BARD1: variants seen among roughly 807,000 people sequenced by gnomAD.
BARD1 encodes BRCA1 associated RING domain 1.
BARD1 carries 73 observed loss-of-function variants against 77.0 expected under a neutral mutation model. The ratio of observed to expected loss-of-function variants is 0.95; its 90% CI spans 0.79 to 1.15. The LOEUF is 1.15. BARD1 is among the 50% of genes most tolerant of loss of function. The pLI is 0.00. For missense variants in BARD1, 993 were observed against 938.8 expected, an observed-to-expected ratio of 1.06 and a Z score of -0.75; for synonymous variants, 384 against 338.0, an observed-to-expected ratio of 1.14 and a Z score of -1.49.
At chr2:214,730,154 T>G in intron 10 of BARD1, 1 of 492,932 alleles carries the variant, frequency 2.0e-6, no homozygotes, top group African/African-American at 1.9e-5. Flanking sequence ...ACTTCCTGTA[T>G]CTGAGATTTA....
chr2:214,757,866 T>A (rs796152109), intron 6 of BARD1, among the ~76,000 whole-genome samples: 2 of 151,522 alleles, frequency 1.3e-5, no homozygotes, highest in African/African-American at 4.8e-5. Context: ...AATAAGAATA[T>A]CCTAGCAGAC....
At chr2:214,730,909 A>AG (rs1692325745) in intron 9 of BARD1, 2 of 457,512 alleles carry the variant, frequency 4.4e-6, no homozygotes, top group Non-Finnish European at 8.8e-6. Flanking sequence ...AGCACTTACC[A>AG]TCTATACTGC....
intron 1 of BARD1, among the ~76,000 whole-genome samples, chr2:214,808,103 C>T (rs6756902): frequency 0.55 from 83,137 of 152,154 alleles, 24,227 homozygotes; most frequent in East Asian, 0.8. Context: ...CAGTTAAGTC[C>T]TTTTCATTTT....
chr2:214,762,840 C>T (rs973840393), intron 6 of BARD1, among the ~76,000 whole-genome samples: 6 of 152,266 alleles, frequency 3.9e-5, no homozygotes, highest in South Asian at 2.1e-4. Context: ...AATCAAACTT[C>T]ATTTGAAAGA....
At chr2:214,750,825 G>A (rs555171298) in intron 7 of BARD1, among the ~76,000 whole-genome samples, 1 of 152,154 alleles carries the variant, frequency 6.6e-6, no homozygotes, top group East Asian at 1.9e-4. Flanking sequence ...ACTTCTTAGT[G>A]AGGACAAATC....
rs968995215 is a variant in BARD1, at chr2:214,728,163, C to A, written c.*513G>T. 3 of 224,760 alleles carry A rather than the reference C, an allele frequency of 1.3e-5. No homozygotes were observed. The highest frequency in any genetic ancestry group is 2.3e-5 in the African/African-American group (1 of 44,308). 13.9% of individuals were successfully genotyped at this position (224,760 alleles called of 1,614,324 possible). ...AAATTATTAAGAAAAGAAATGAACA[C>A]AATATAGGATAAAGACAATTGCAGA... On this transcript the variant is annotated 3_prime_UTR_variant, in exon 11 of 11. Coordinates refer to ENST00000260947, the MANE Select transcript of BARD1 (RefSeq NM_000465.4).
intron 2 of BARD1, among the ~76,000 whole-genome samples, chr2:214,793,883 T>C (rs565729928): frequency 6.6e-6 from 1 of 152,240 alleles, no homozygotes; most frequent in South Asian, 2.1e-4. Flanking sequence ...GATAAACCAA[T>C]GAAATTTCAT....
Position 214,728,736 on chromosome 2 carries a change from A to C in BARD1, c.2274T>G (p.Ala758=). ...ERVRQGKVWK[A]PSSWFIDCVM... is the part of the protein sequence containing the mutation. ...CACAGTCTATAAACCAGCTCGAAGGAGCCTTCCAGACTTTGCCCTGCCGAA... is the reference window on the plus strand; with the variant it reads ...CACAGTCTATAAACCAGCTCGAAGGCGCCTTCCAGACTTTGCCCTGCCGAA... The change falls in exon 11 of 11, where the codon GCT becomes GCG. Residue 758 remains alanine (A), a synonymous_variant. Transcript: ENST00000260947. 1 of 1,614,228 alleles carries C rather than the reference A, an allele frequency of 6.2e-7. No homozygotes were observed. The highest frequency in any genetic ancestry group is 8.5e-7 in the Non-Finnish European group (1 of 1,180,028).
At position 214,752,542 on chromosome 2, in the gene BARD1, G is replaced by T. The variant is rs1693508020; in HGVS notation, c.1582C>A (p.Leu528Met). 1 of 1,613,060 alleles carries T rather than the reference G, an allele frequency of 6.2e-7. No homozygotes were observed. Among genetic ancestry groups the T allele is most frequent in the African/African-American group, 1.3e-5 (1 of 74,988 alleles). ...TCATCTGTATAATCGACAGGCCGCA[G>T]ACCAAATATATTACTGGTAAAATAA... ...ASRNAVNIFG[L>M]RPVDYTDDES... The change falls in exon 7 of 11, where the codon CTG becomes ATG. Residue 528 changes from leucine (L) to methionine (M), a missense_variant. By Grantham distance (15) the Leu-to-Met change is conservative. Coordinates refer to ENST00000260947, the MANE Select transcript of BARD1 (RefSeq NM_000465.4).
At chr2:214,766,703 T>C (rs913498811) in intron 6 of BARD1, among the ~76,000 whole-genome samples, 3 of 152,226 alleles carry the variant, frequency 2.0e-5, no homozygotes, top group African/African-American at 7.2e-5. Flanking sequence ...TCCTCCCGTA[T>C]ACTTTAAATC....
intron 7 of BARD1, among the ~76,000 whole-genome samples, chr2:214,750,076 T>C (rs908487973): frequency 6.6e-6 from 1 of 152,188 alleles, no homozygotes; most frequent in Non-Finnish European, 1.5e-5. Context: ...ACTACTCTTG[T>C]GAATGATCCT....
intron 9 of BARD1, chr2:214,731,113 A>G: frequency 4.3e-6 from 1 of 231,332 alleles, no homozygotes; most frequent in East Asian, 1.1e-4. Context: ...GCTAGTCTAG[A>G]GATGATTTGA....
rs371282361 is a variant in BARD1, at chr2:214,729,058, C to A, written c.2002-50G>T. The A allele has an allele frequency of 3.9e-6, 6 of 1,535,182 alleles. No homozygotes were observed. In the African/African-American group the frequency reaches 8.2e-5, roughly 21 times the overall value. On this transcript the variant is annotated intron_variant, in intron 10 of 10. Coordinates refer to ENST00000260947, the MANE Select transcript of BARD1 (RefSeq NM_000465.4). ...TAAAGGCAGATCAAAATACTGTATT[C>A]AAAAACACTGTATATGAATGAGGAA...
intron 7 of BARD1, 89 bp downstream of exon 7, chr2:214,752,358 T>C (rs115947500): frequency 2.7e-6 from 3 of 1,107,722 alleles, no homozygotes; most frequent in East Asian, 2.5e-5. Flanking sequence ...ATGTAAGCAA[T>C]TGGTCAAATG....
chr2:214,777,998 C>T (rs571497245), intron 4 of BARD1, among the ~76,000 whole-genome samples: 1 of 152,104 alleles, frequency 6.6e-6, no homozygotes, highest in Non-Finnish European at 1.5e-5. Context: ...GAGTTCGAGA[C>T]CAGCCTGGCC....
At chr2:214,757,612 G>T (rs1196286095) in intron 6 of BARD1, among the ~76,000 whole-genome samples, 3 of 152,070 alleles carry the variant, frequency 2.0e-5, no homozygotes, top group Non-Finnish European at 4.4e-5. Flanking sequence ...CACATGGAAT[G>T]AATATATTTG....
chr2:214,793,981 G>A lies in BARD1; in HGVS notation c.216-1536C>T, dbSNP rs147318314. Among the ~76,000 whole-genome samples, 575 of 152,246 alleles carry A rather than the reference G, an allele frequency of 3.8e-3. 7 individuals carry two copies. Among genetic ancestry groups the A allele is most frequent in the African/African-American group, 0.013 (550 of 41,538 alleles). On this transcript the variant is annotated intron_variant, in intron 2 of 10. Transcript: ENST00000260947. ...AAACAGCACTTGTTGGCCAGGCATG[G>A]TGATTCATTCCTGTAATCTCAGCAC...
At chr2:214,790,583 C>A (rs1410887845) in intron 3 of BARD1, among the ~76,000 whole-genome samples, 2 of 152,148 alleles carry the variant, frequency 1.3e-5, no homozygotes, top group Non-Finnish European at 2.9e-5. Context: ...AATTGTGAGA[C>A]AATAAATATC....
At chr2:214,766,713 C>A (rs1210568065) in intron 6 of BARD1, among the ~76,000 whole-genome samples, 8 of 152,180 alleles carry the variant, frequency 5.3e-5, no homozygotes, top group Admixed American at 2.0e-4. Context: ...TACTTTAAAT[C>A]ATCTCCAGAT....
Sources: allele counts gnomAD v4.1 joint callset (sites outside exome capture counted in the v4.1 genomes callset), GRCh38; gene constraint gnomAD v4.1.1; transcripts MANE v1.5; gene names NCBI Gene and HGNC (gene_info 2026-07-23, HGNC 2026-07-21).